Variants in PADI4 observed in about 807,000 individuals in gnomAD.
PADI4 encodes the protein peptidyl arginine deiminase 4, also known as protein-arginine deiminase type-4.
Under a neutral mutation model 75.0 loss-of-function variants are expected in PADI4, and 62 were observed. The observed-to-expected ratio is 0.83, with a 90% CI of 0.67 to 1.02. PADI4 has a LOEUF of 1.02. Ranked by LOEUF, PADI4 falls within the 50% of genes least tolerant of loss-of-function variation. The pLI is 0.00. For synonymous variants in PADI4, 361 were observed against 348.1 expected, an observed-to-expected ratio of 1.04 and a Z score of -0.41; for missense variants, 845 against 850.5, an observed-to-expected ratio of 0.99 and a Z score of 0.08.
At chr1:17,331,480 C>A (rs925567902) in intron 2 of PADI4, among the ~76,000 whole-genome samples, 10 of 152,224 alleles carry the variant, frequency 6.6e-5, no homozygotes, top group Non-Finnish European at 1.0e-4. Flanking sequence ...GGCTTACAAC[C>A]TATGAATGGT....
At chr1:17,308,569 G>A (rs1056136034) in intron 1 of PADI4, among the ~76,000 whole-genome samples, 2 of 152,144 alleles carry the variant, frequency 1.3e-5, no homozygotes, top group African/African-American at 2.4e-5. Flanking sequence ...GGGCAAACCA[G>A]GCCATCCATC....
rs201257365 is a variant in PADI4, at chr1:17,359,289, G to C, written c.1639G>C (p.Asp547His). 1.3e-6 allele frequency: 2 copies of C among 1,546,702 alleles called. No homozygotes were observed. The highest frequency in any genetic ancestry group is 2.9e-5 in the African/African-American group (2 of 69,608). The change falls in exon 15 of 16, where the codon GAC (aspartate) becomes CAC (histidine). Residue 547 changes from aspartate (D) to histidine (H), a missense_variant. Physicochemically the swap from Asp to His is moderately conservative, Grantham distance 81. Transcript: ENST00000375448. ...EHNSFVERCIDWNRELLKREL... is the reference protein window; with the variant it reads ...EHNSFVERCIHWNRELLKREL... Reference sequence around the variant, plus strand: ...CTGCCCCTTCCCCAAGAGATGCATCGACTGGAACCGCGAGCTGCTGAAGCG... The same window carrying C: ...CTGCCCCTTCCCCAAGAGATGCATCCACTGGAACCGCGAGCTGCTGAAGCG...
chr1:17,333,272 C>T (rs1252827163), intron 2 of PADI4, among the ~76,000 whole-genome samples: 1 of 152,052 alleles, frequency 6.6e-6, no homozygotes, highest in East Asian at 1.9e-4. Flanking sequence ...GTCTACAGGG[C>T]AGGTCCGAGC....
chr1:17,336,120 A>G lies in PADI4; in HGVS notation c.341-39A>G, dbSNP rs549383289. The G allele has an allele frequency of 8.0e-5, 118 of 1,482,616 alleles. 1 individual carries two copies. The South Asian group carries it at 1.3e-3, about 16-fold the overall frequency. The allele number at this position is 1,482,616 out of a possible 1,614,324, so 91.8% of individuals were successfully genotyped here. On this transcript the variant is annotated intron_variant, in intron 3 of 15. Coordinates refer to ENST00000375448, the MANE Select transcript of PADI4 (RefSeq NM_012387.3). ...GCCAGGCTGGGTGCCCCAACCCCGGACCCTCACCAACCTCTCCTCTTACTT... is the reference window on the plus strand; with the variant it reads ...GCCAGGCTGGGTGCCCCAACCCCGGGCCCTCACCAACCTCTCCTCTTACTT...
chr1:17,323,924 G>A (rs564521437), intron 1 of PADI4, among the ~76,000 whole-genome samples: 8 of 152,022 alleles, frequency 5.3e-5, no homozygotes, highest in African/African-American at 7.2e-5. Flanking sequence ...TTATGTGGAC[G>A]GAGTTCTGCC....
In PADI4 at chr1:17,324,861, C is replaced by T. The variant is rs1157349490; in HGVS notation, c.93-6108C>T. Among the ~76,000 whole-genome samples the T allele has an allele frequency of 2.0e-5, 3 of 152,358 alleles. No homozygotes were observed. In the East Asian group the frequency reaches 5.8e-4, roughly 29 times the overall value. Reference sequence around the variant, plus strand: ...ATTTAGTATTTTCTATATGAATGAGCAATTGCTCCAGCAACATTTATGATA... The same window carrying T: ...ATTTAGTATTTTCTATATGAATGAGTAATTGCTCCAGCAACATTTATGATA... On this transcript the variant is annotated intron_variant, in intron 1 of 15. Transcript: ENST00000375448.
chr1:17,313,337 T>G (rs2073873144), intron 1 of PADI4, among the ~76,000 whole-genome samples: 1 of 149,502 alleles, frequency 6.7e-6, no homozygotes. Flanking sequence ...CCATCTCTAC[T>G]AAAAATACAA....
Position 17,354,385 on chromosome 1 carries a change from A to T in PADI4, c.1156-148A>T, listed in dbSNP as rs954579186. On this transcript the variant is annotated intron_variant, in intron 10 of 15. Coordinates refer to ENST00000375448, the MANE Select transcript of PADI4 (RefSeq NM_012387.3). ...GAACTCAACATTCCTTTAACCTTCC[A>T]CATGTGATAACAGCACCTGCTATGT... The T allele has an allele frequency of 1.4e-5, 10 of 718,096 alleles. No homozygotes were observed. In the African/African-American group the frequency reaches 1.8e-4, roughly 13 times the overall value. The allele number at this position is 718,096 out of a possible 1,614,324, so 44.5% of individuals were successfully genotyped here. A position where few individuals can be genotyped will look rare whatever the true frequency, so the allele number is the denominator to read the frequency against.
chr1:17,337,437 C>T (rs867161034), intron 4 of PADI4, among the ~76,000 whole-genome samples: 12 of 152,160 alleles, frequency 7.9e-5, no homozygotes, highest in Non-Finnish European at 1.8e-4. Flanking sequence ...TGAGCCACTG[C>T]GCCCAGCCAA....
intron 1 of PADI4, among the ~76,000 whole-genome samples, chr1:17,309,575 T>A (rs969526573): frequency 6.6e-6 from 1 of 152,234 alleles, no homozygotes; most frequent in Non-Finnish European, 1.5e-5. Context: ...TCCTAAATTA[T>A]CCTGCAACAA....
intron 1 of PADI4, among the ~76,000 whole-genome samples, chr1:17,327,680 T>C (rs1246041160): frequency 6.6e-6 from 1 of 152,076 alleles, no homozygotes; most frequent in Non-Finnish European, 1.5e-5. Context: ...TGGCTGAGAT[T>C]ACAGGCACGT....
chr1:17,330,824 C>T lies in PADI4; in HGVS notation c.93-145C>T, dbSNP rs1334186761. ...TCCTCTGGCAACACCCTCACAGATA[C>T]ACCCAGAAAAAATACTTCGCATCTT... On this transcript the variant is annotated intron_variant, in intron 1 of 15. Coordinates refer to ENST00000375448, the MANE Select transcript of PADI4 (RefSeq NM_012387.3). 1.4e-5 allele frequency: 8 copies of T among 570,912 alleles called. No homozygotes were observed. The Admixed American group carries it at 2.4e-4, about 17-fold the overall frequency. The allele number at this position is 570,912 out of a possible 1,614,324, so 35.4% of individuals were successfully genotyped here.
chr1:17,351,640 T>C lies in PADI4; in HGVS notation c.1156-2893T>C, dbSNP rs993915488. 1.1e-4 allele frequency among the ~76,000 whole-genome samples: 16 copies of C among 144,906 alleles called. 1 individual carries two copies. Among genetic ancestry groups the C allele is most frequent in the Non-Finnish European group, 3.0e-5 (2 of 66,568 alleles). ...AAAAAAAAAAAAAAAAAAGATTGCG[T>C]TCTTAAATAGGATGGTCAGGGTGGG... On this transcript the variant is annotated intron_variant, in intron 10 of 15. Coordinates refer to ENST00000375448, the MANE Select transcript of PADI4 (RefSeq NM_012387.3).
At chr1:17,318,747 G>A (rs1048128626) in intron 1 of PADI4, among the ~76,000 whole-genome samples, 9 of 149,532 alleles carry the variant, frequency 6.0e-5, no homozygotes, top group Admixed American at 4.0e-4. Context: ...GTGCAGTGGC[G>A]CGATCTTGGC....
chr1:17,324,153 TTG>T lies in PADI4; in HGVS notation c.93-6814_93-6813del, dbSNP rs202105641. ...CTAATAACACCAAGTTGGGTTTTTTTTGTTTTTTTTTTTTTGCAAAATGGTTA... is the reference window on the plus strand; with the variant it reads ...CTAATAACACCAAGTTGGGTTTTTTTTTTTTTTTTTTTTGCAAAATGGTTA... On this transcript the variant is annotated intron_variant, in intron 1 of 15. Coordinates refer to ENST00000375448, the MANE Select transcript of PADI4 (RefSeq NM_012387.3). 7.3e-3 allele frequency among the ~76,000 whole-genome samples: 1,033 copies of T among 142,398 alleles called. 28 individuals are homozygous for T. Among genetic ancestry groups the T allele is most frequent in the African/African-American group, 0.024 (884 of 36,904 alleles). 93.4% of individuals were successfully genotyped at this position (142,398 alleles called of 152,430 possible).
At chr1:17,338,216 C>A in intron 5 of PADI4, 61 bp downstream of exon 5, 1 of 1,034,770 alleles carries the variant, frequency 9.7e-7, no homozygotes, top group Non-Finnish European at 1.5e-6. Context: ...GCCCACATAG[C>A]CTGAACCTGG....
intron 13 of PADI4, 57 bp from the exon 14 acceptor site, chr1:17,358,781 A>G (rs1570100127): frequency 8.6e-7 from 1 of 1,164,140 alleles, no homozygotes. Flanking sequence ...ACTGGCTGGG[A>G]AGAGGGAAAT....
intron 3 of PADI4, among the ~76,000 whole-genome samples, chr1:17,335,697 T>A (rs954748482): frequency 6.6e-5 from 10 of 152,160 alleles, no homozygotes; most frequent in South Asian, 6.2e-4. Flanking sequence ...CCAGATACAG[T>A]CACAACACAT....
intron 3 of PADI4, chr1:17,334,389 G>A (rs978029034): frequency 1.7e-5 from 8 of 459,690 alleles, no homozygotes; most frequent in Admixed American, 4.7e-5. Context: ...TGCAACCTGC[G>A]TCTCCCAGGT....
Sources: allele counts gnomAD v4.1 joint callset (sites outside exome capture counted in the v4.1 genomes callset), GRCh38; gene constraint gnomAD v4.1.1; transcripts MANE v1.5; gene names NCBI Gene and HGNC (gene_info 2026-07-23, HGNC 2026-07-21).